Variants in CLSTN2 observed in about 807,000 individuals in gnomAD.
CLSTN2 encodes calsyntenin-2.
In CLSTN2, 48 loss-of-function variants were observed where a neutral mutation model predicts 101.2. The ratio of observed to expected loss-of-function variants is 0.47; its 90% CI spans 0.38 to 0.60. The LOEUF is 0.60. Among genes scored for constraint, CLSTN2 ranks in the 20% least tolerant of loss-of-function variants. The pLI is 0.00. For missense variants in CLSTN2, 1,160 were observed against 1,238.2 expected (o/e 0.94, Z 0.95); for synonymous variants, 481 against 463.6 (o/e 1.04, Z -0.48).
intron 1 of CLSTN2, among the ~76,000 whole-genome samples, chr3:140,016,005 G>A (rs568697899): frequency 6.6e-6 from 1 of 152,372 alleles, no homozygotes; most frequent in African/African-American, 2.4e-5. Flanking sequence ...CCTGAAGAGT[G>A]CAGCCTCAGC....
chr3:139,983,155 G>A (rs1935962054), intron 1 of CLSTN2, among the ~76,000 whole-genome samples: 1 of 151,876 alleles, frequency 6.6e-6, no homozygotes, highest in Admixed American at 6.6e-5. Context: ...TTACTGGAAG[G>A]ATTTGGGGCT....
At chr3:140,299,860 C>T (rs1390975500) in intron 2 of CLSTN2, among the ~76,000 whole-genome samples, 2 of 152,202 alleles carry the variant, frequency 1.3e-5, no homozygotes, top group Non-Finnish European at 2.9e-5. Context: ...GTGTGAGTTA[C>T]ACAGACTTGC....
chr3:140,117,470 A>T (rs1426776488), intron 1 of CLSTN2, among the ~76,000 whole-genome samples: 4 of 152,202 alleles, frequency 2.6e-5, no homozygotes, highest in Non-Finnish European at 4.4e-5. Context: ...TTTATGAGGT[A>T]AAGTGGGCAG....
chr3:140,239,802 T>C (rs1044493467), intron 2 of CLSTN2, among the ~76,000 whole-genome samples: 11 of 152,208 alleles, frequency 7.2e-5, no homozygotes, highest in African/African-American at 2.6e-4. Context: ...TGCCATTGAT[T>C]ATAAAATACA....
At chr3:139,976,951 C>T (rs1351504876) in intron 1 of CLSTN2, among the ~76,000 whole-genome samples, 1 of 152,164 alleles carries the variant, frequency 6.6e-6, no homozygotes, top group Non-Finnish European at 1.5e-5. Context: ...TAATGAAGCA[C>T]CCGCCCGCTC....
chr3:139,952,632 TA>T (rs978339298), intron 1 of CLSTN2, among the ~76,000 whole-genome samples: 14 of 151,774 alleles, frequency 9.2e-5, no homozygotes, highest in South Asian at 2.1e-4. Flanking sequence ...AAAGTATTTC[TA>T]AAAAAAAATT....
chr3:140,517,571 C>T (rs1241593846), intron 8 of CLSTN2, among the ~76,000 whole-genome samples: 1 of 152,072 alleles, frequency 6.6e-6, no homozygotes, highest in Admixed American at 6.6e-5. Context: ...AACCAAATTG[C>T]AGTGATTATT....
At chr3:140,334,770 T>TG (rs1439013837) in intron 2 of CLSTN2, among the ~76,000 whole-genome samples, 3 of 152,154 alleles carry the variant, frequency 2.0e-5, no homozygotes, top group Non-Finnish European at 4.4e-5. Context: ...AGATGAGCCT[T>TG]GGAGTTTGAG....
At chr3:140,534,322 T>C (rs1233645755) in intron 9 of CLSTN2, among the ~76,000 whole-genome samples, 1 of 152,092 alleles carries the variant, frequency 6.6e-6, no homozygotes, top group Non-Finnish European at 1.5e-5. Flanking sequence ...GAAACCACAT[T>C]TGAATCCCTG....
intron 6 of CLSTN2, among the ~76,000 whole-genome samples, chr3:140,457,311 C>G (rs1325214347): frequency 6.6e-6 from 1 of 152,232 alleles, no homozygotes; most frequent in African/African-American, 2.4e-5. Flanking sequence ...AACCGACATG[C>G]TCTGTGTGTA....
intron 1 of CLSTN2, among the ~76,000 whole-genome samples, chr3:139,955,705 C>A (rs1442320189): frequency 1.0e-4 from 4 of 38,376 alleles, no homozygotes; most frequent in Non-Finnish European, 3.0e-4. Flanking sequence ...GTGCCTCTCA[C>A]TAGCTGATGG....
At position 140,413,357 on chromosome 3, in the gene CLSTN2, A is replaced by G. The variant is rs142204880; in HGVS notation, c.638-7768A>G. Among the ~76,000 whole-genome samples, 14 of 152,308 alleles carry G rather than the reference A, an allele frequency of 9.2e-5. No individual in the cohort carries two copies. In the East Asian group the frequency reaches 2.5e-3, roughly 27 times the overall value. On this transcript the variant is annotated intron_variant, in intron 4 of 16. Transcript: ENST00000458420. ...CAAGACAGAATAATAAGGAAATGAG[A>G]ATCTGAACAGACCAATAATGAGTAG...
In CLSTN2 at chr3:140,424,935, C is replaced by T. The variant is rs1034836154; in HGVS notation, c.787+3661C>T. Among the ~76,000 whole-genome samples the T allele has an allele frequency of 3.9e-5, 6 of 152,234 alleles. No individual in the cohort carries two copies. The East Asian group carries it at 1.2e-3, about 29-fold the overall frequency. ...CAGGGTGAGGAGCTGCAATGAGCCT[C>T]AACCCCCTCAGATCCAGCTGAGAGG... is the stretch of plus-strand genomic sequence containing the variant. On this transcript the variant is annotated intron_variant, in intron 5 of 16. Transcript: ENST00000458420.
intron 2 of CLSTN2, among the ~76,000 whole-genome samples, chr3:140,362,048 G>C (rs1424625066): frequency 2.0e-5 from 3 of 152,156 alleles, no homozygotes; most frequent in African/African-American, 7.2e-5. Flanking sequence ...AAAGACTTAG[G>C]CTTTGTGATT....
intron 1 of CLSTN2, among the ~76,000 whole-genome samples, chr3:140,156,183 G>A (rs942539275): frequency 6.6e-6 from 1 of 152,154 alleles, no homozygotes; most frequent in African/African-American, 2.4e-5. Context: ...TGCCACAAAC[G>A]TTGTGTTGAG....
At chr3:140,044,748 G>A (rs188267363) in intron 1 of CLSTN2, among the ~76,000 whole-genome samples, 230 of 152,272 alleles carry the variant, frequency 1.5e-3, no homozygotes, top group African/African-American at 5.2e-3. Context: ...AATTGCTGTT[G>A]AATTTTGTCG....
intron 1 of CLSTN2, among the ~76,000 whole-genome samples, chr3:139,956,760 T>C (rs897880339): frequency 6.6e-6 from 1 of 152,210 alleles, no homozygotes; most frequent in African/African-American, 2.4e-5. Flanking sequence ...CATTCACCAG[T>C]AATAGGATTC....
intron 8 of CLSTN2, among the ~76,000 whole-genome samples, chr3:140,502,274 G>A (rs1345822304): frequency 6.6e-6 from 1 of 152,186 alleles, no homozygotes; most frequent in Non-Finnish European, 1.5e-5. Flanking sequence ...ACCTCTAAAT[G>A]GAGCAAATTG....
chr3:139,979,930 A>G (rs778664591), intron 1 of CLSTN2, among the ~76,000 whole-genome samples: 5 of 151,978 alleles, frequency 3.3e-5, no homozygotes, highest in Admixed American at 6.6e-5. Flanking sequence ...TGTTCAGGTC[A>G]TCTTGCAGTC....
Sources: gnomAD v4.1 joint callset for allele counts (sites outside exome capture counted in the v4.1 genomes callset) on GRCh38, gnomAD v4.1.1 for gene constraint, MANE v1.5 for transcripts, NCBI Gene and HGNC (gene_info 2026-07-23, HGNC 2026-07-21) for gene names.